The following TENM3 variants were observed in gnomAD, a reference collection of about 807,000 sequenced individuals.
TENM3 encodes the protein teneurin transmembrane protein 3.
TENM3 carries 63 observed loss-of-function variants against 255.1 expected under a neutral mutation model. The ratio of observed to expected loss-of-function variants is 0.25; its 90% CI spans 0.20 to 0.30. TENM3 has a LOEUF of 0.30. Ranked by LOEUF, TENM3 falls within the 10% of genes least tolerant of loss-of-function variation. The probability of loss-of-function intolerance (pLI) is 1.00; values close to 1 mark genes in which losing one functional copy is unlikely to be tolerated. For synonymous variants in TENM3, 1,306 were observed against 1,322.3 expected, an observed-to-expected ratio of 0.99 and a Z score of 0.27; for missense variants, 2,929 against 3,461.1, an observed-to-expected ratio of 0.85 and a Z score of 3.86.
At chr4:181,673,268 C>T in the TENM3 span, among the ~76,000 whole-genome samples, 1 of 152,108 alleles carries the variant, frequency 6.6e-6, no homozygotes, top group Non-Finnish European at 1.5e-5. Flanking sequence ...TTTTTCCATG[C>T]CCTATTGATG....
At chr4:182,596,043 A>G (rs914577234) in intron 3 of TENM3, among the ~76,000 whole-genome samples, 1 of 152,158 alleles carries the variant, frequency 6.6e-6, no homozygotes, top group Non-Finnish European at 1.5e-5. Context: ...AGATGACCCC[A>G]CAAGGTGCTA....
At chr4:181,856,321 A>C in the TENM3 span, among the ~76,000 whole-genome samples, 1 of 152,080 alleles carries the variant, frequency 6.6e-6, no homozygotes, top group Non-Finnish European at 1.5e-5. Flanking sequence ...ACATGCCAAG[A>C]CCTATAAATC....
chr4:182,175,314 A>AT (rs1554026205), intron 1 of TENM3, among the ~76,000 whole-genome samples: 5,408 of 117,410 alleles, frequency 0.046, 151 homozygotes, highest in Middle Eastern at 0.11. Context: ...AAAAAAAAAA[A>AT]ATATATATAT....
chr4:181,465,891 C>A, the TENM3 span, among the ~76,000 whole-genome samples: 1 of 152,122 alleles, frequency 6.6e-6, no homozygotes, highest in Non-Finnish European at 1.5e-5. Context: ...TAGGTCCCGC[C>A]GTGCCACTGT....
At chr4:182,360,968 C>T (rs1765931442) in intron 3 of TENM3, among the ~76,000 whole-genome samples, 2 of 152,094 alleles carry the variant, frequency 1.3e-5, no homozygotes, top group Non-Finnish European at 1.5e-5. Context: ...TTCTATTTCT[C>T]CTTCACTTAT....
intron 1 of TENM3, among the ~76,000 whole-genome samples, chr4:182,256,088 A>G (rs1479694457): frequency 6.6e-6 from 1 of 152,192 alleles, no homozygotes; most frequent in Non-Finnish European, 1.5e-5. Flanking sequence ...TCTTGGATGT[A>G]CGTATAGGTT....
chr4:181,467,891 A>G, the TENM3 span, among the ~76,000 whole-genome samples: 2 of 152,314 alleles, frequency 1.3e-5, no homozygotes, highest in East Asian at 3.9e-4. Context: ...GATTGACCCT[A>G]TATTATATAT....
the TENM3 span, among the ~76,000 whole-genome samples, chr4:182,066,791 G>A: frequency 2.6e-5 from 4 of 151,926 alleles, no homozygotes; most frequent in Non-Finnish European, 5.9e-5. Context: ...GGCGCCTGTA[G>A]TCCCAGCTAC....
intron 12 of TENM3, among the ~76,000 whole-genome samples, chr4:182,702,789 G>A (rs952747511): frequency 4.6e-5 from 7 of 151,454 alleles, no homozygotes; most frequent in African/African-American, 1.5e-4. Context: ...CCAGGCTGGA[G>A]TGCAGTGGTG....
chr4:182,098,947 G>A, the TENM3 span, among the ~76,000 whole-genome samples: 16 of 147,402 alleles, frequency 1.1e-4, no homozygotes, highest in East Asian at 1.8e-3. Flanking sequence ...ATAAATATGT[G>A]CACAACTCTT....
At chr4:181,642,393 G>A in the TENM3 span, among the ~76,000 whole-genome samples, 6 of 151,974 alleles carry the variant, frequency 3.9e-5, no homozygotes, top group South Asian at 2.1e-4. Context: ...TTGGATAGAC[G>A]GCAAAAATTT....
the TENM3 span, among the ~76,000 whole-genome samples, chr4:181,562,366 A>G: frequency 8.5e-5 from 13 of 152,168 alleles, no homozygotes; most frequent in African/African-American, 2.4e-4. Flanking sequence ...TTAATGTACT[A>G]TATCAGCTAA....
At chr4:181,622,889 C>T in the TENM3 span, among the ~76,000 whole-genome samples, 1 of 152,018 alleles carries the variant, frequency 6.6e-6, no homozygotes, top group Non-Finnish European at 1.5e-5. Context: ...CTCTAACTCT[C>T]CCAGAATTAA....
At chr4:181,959,648 G>A in the TENM3 span, among the ~76,000 whole-genome samples, 2 of 152,016 alleles carry the variant, frequency 1.3e-5, no homozygotes, top group Non-Finnish European at 2.9e-5. Flanking sequence ...TTTTCACTTG[G>A]GAGGGGGGAC....
chr4:181,519,063 A>G, the TENM3 span, among the ~76,000 whole-genome samples: 1 of 152,220 alleles, frequency 6.6e-6, no homozygotes, highest in African/African-American at 2.4e-5. Flanking sequence ...AACTTAGGGA[A>G]AAAGCAAATA....
At chr4:182,763,065 T>G (rs1158587937) in intron 22 of TENM3, among the ~76,000 whole-genome samples, 1 of 152,204 alleles carries the variant, frequency 6.6e-6, no homozygotes, top group Non-Finnish European at 1.5e-5. Flanking sequence ...AAAAACTACT[T>G]TTTGTTCTCT....
At chr4:182,266,257 G>A (rs777921497) in intron 1 of TENM3, among the ~76,000 whole-genome samples, 1 of 152,220 alleles carries the variant, frequency 6.6e-6, no homozygotes, top group Non-Finnish European at 1.5e-5. Context: ...TACCTGCAAG[G>A]TATGTAAAGA....
the TENM3 span, among the ~76,000 whole-genome samples, chr4:181,681,315 C>T: frequency 3.3e-5 from 5 of 151,800 alleles, no homozygotes; most frequent in South Asian, 2.1e-4. Context: ...AACATTTCAC[C>T]GGACCTTGAT....
chr4:182,227,881 A>G (rs1489926239), intron 1 of TENM3, among the ~76,000 whole-genome samples: 3 of 152,238 alleles, frequency 2.0e-5, no homozygotes, highest in Non-Finnish European at 2.9e-5. Context: ...GTATTTCATG[A>G]GAATGGGTGG....
Sources: gnomAD v4.1 joint callset for allele counts (sites outside exome capture counted in the v4.1 genomes callset) on GRCh38, gnomAD v4.1.1 for gene constraint, MANE v1.5 for transcripts, NCBI Gene and HGNC (gene_info 2026-07-23, HGNC 2026-07-21) for gene names.